PRKN: variants seen among roughly 807,000 people sequenced by gnomAD.
PRKN encodes parkin RBR E3 ubiquitin protein ligase.
A neutral mutation model predicts 59.5 loss-of-function variants in PRKN; 56 were observed. The ratio of observed to expected loss-of-function variants is 0.94; its 90% confidence interval spans 0.76 to 1.18. PRKN has a LOEUF of 1.18. PRKN is among the 50% of genes most tolerant of loss of function. The probability of loss-of-function intolerance (pLI) is 0.00; values close to 1 mark genes in which losing one functional copy is unlikely to be tolerated. For synonymous variants in PRKN, 250 were observed against 222.1 expected (o/e 1.13, Z -1.12); for missense variants, 657 against 596.4 (o/e 1.10, Z -1.06).
intron 4 of PRKN, among the ~76,000 whole-genome samples, chr6:162,113,510 A>G (rs1780531563): frequency 6.6e-6 from 1 of 152,132 alleles, no homozygotes. Flanking sequence ...ACTGTGGTCA[A>G]TGAAGGGAGA....
chr6:161,827,653 G>A (rs778524464), intron 6 of PRKN, among the ~76,000 whole-genome samples: 2 of 151,650 alleles, frequency 1.3e-5, no homozygotes, highest in Non-Finnish European at 2.9e-5. Flanking sequence ...GACTACAGGT[G>A]TGTGCCACCA....
chr6:162,576,051 G>A (rs73035006), intron 1 of PRKN, among the ~76,000 whole-genome samples: 1 of 152,082 alleles, frequency 6.6e-6, no homozygotes, highest in African/African-American at 2.4e-5. Context: ...GTAAGGTTTA[G>A]GAGACCACGC....
chr6:161,452,613 C>G (rs1357715892), intron 9 of PRKN, among the ~76,000 whole-genome samples: 1 of 152,132 alleles, frequency 6.6e-6, no homozygotes, highest in African/African-American at 2.4e-5. Context: ...AGATGATTAG[C>G]TACTAAGGAA....
chr6:161,675,518 CA>C (rs1190984849), intron 7 of PRKN, among the ~76,000 whole-genome samples: 4 of 152,192 alleles, frequency 2.6e-5, no homozygotes, highest in Non-Finnish European at 1.5e-5. Context: ...AACGCAAAGA[CA>C]ACTGTGATGC....
intron 6 of PRKN, among the ~76,000 whole-genome samples, chr6:161,914,842 C>T (rs1778495852): frequency 6.6e-6 from 1 of 151,974 alleles, no homozygotes; most frequent in South Asian, 2.1e-4. Flanking sequence ...GGATGTTTCC[C>T]TGGTCTCACC....
At chr6:162,521,040 A>G (rs1778063126) in intron 1 of PRKN, among the ~76,000 whole-genome samples, 2 of 152,152 alleles carry the variant, frequency 1.3e-5, no homozygotes, top group African/African-American at 2.4e-5. Context: ...ATTTTTTTCC[A>G]GTTTGCAATA....
chr6:161,944,147 A>G (rs1442576728), intron 6 of PRKN, among the ~76,000 whole-genome samples: 9 of 152,020 alleles, frequency 5.9e-5, no homozygotes, highest in Admixed American at 5.9e-4. Flanking sequence ...CAGCCTGAGG[A>G]ATCTGGCTGC....
At position 161,458,205 on chromosome 6, in the gene PRKN, G is replaced by A. The variant is rs1208247967; in HGVS notation, c.1084-71328C>T. On this transcript the variant is annotated intron_variant, in intron 9 of 11. Coordinates refer to ENST00000366898, the MANE Select transcript of PRKN (RefSeq NM_004562.3). This position sits in a 1 kb window ranked among gnomAD's most constrained non-coding sequence, Gnocchi z 6.1. ...ATAAATCTTAGTGCAGCTGCTTATC[G>A]AGCTAAAGAAGGCCTGGTGTCTCTG... 6.6e-6 allele frequency among the ~76,000 whole-genome samples: 1 copy of A among 152,214 alleles called. No individual in the cohort carries two copies. The highest frequency in any genetic ancestry group is 1.5e-5 in the Non-Finnish European group (1 of 68,040).
At chr6:162,683,573 T>C (rs1163674846) in intron 1 of PRKN, among the ~76,000 whole-genome samples, 7 of 152,148 alleles carry the variant, frequency 4.6e-5, no homozygotes, top group Admixed American at 4.6e-4. Context: ...CATTAGGTTT[T>C]TGGTTAGTTT....
intron 7 of PRKN, among the ~76,000 whole-genome samples, chr6:161,692,137 C>T (rs771048915): frequency 1.3e-5 from 2 of 152,140 alleles, no homozygotes; most frequent in Non-Finnish European, 2.9e-5. Flanking sequence ...GTGGGTTTTG[C>T]ATGGCAAACA....
intron 1 of PRKN, among the ~76,000 whole-genome samples, chr6:162,601,412 T>A (rs1256635546): frequency 6.6e-6 from 1 of 152,194 alleles, no homozygotes; most frequent in Non-Finnish European, 1.5e-5. Context: ...GTTTAAGGCT[T>A]CTCTTACTCC....
intron 5 of PRKN, among the ~76,000 whole-genome samples, chr6:161,974,181 G>A (rs555883852): frequency 1.1e-4 from 17 of 151,780 alleles, no homozygotes; most frequent in Non-Finnish European, 1.8e-4. Flanking sequence ...GCAGGAAATC[G>A]CTTGAGCCCG....
chr6:162,134,464 C>T (rs1433680591), intron 4 of PRKN, among the ~76,000 whole-genome samples: 1 of 152,114 alleles, frequency 6.6e-6, no homozygotes, highest in Non-Finnish European at 1.5e-5. Context: ...GATACATGTG[C>T]AGAACATTTC....
chr6:162,351,947 A>C (rs1784644329), intron 2 of PRKN, among the ~76,000 whole-genome samples: 1 of 152,122 alleles, frequency 6.6e-6, no homozygotes, highest in Non-Finnish European at 1.5e-5. Flanking sequence ...TGAGTAGATA[A>C]GTGTACTTAA....
intron 6 of PRKN, among the ~76,000 whole-genome samples, chr6:161,945,722 T>A (rs1779753330): frequency 6.6e-6 from 1 of 152,186 alleles, no homozygotes; most frequent in Admixed American, 6.5e-5. Context: ...CCCCTACCTT[T>A]CAAAATCCCA....
intron 1 of PRKN, among the ~76,000 whole-genome samples, chr6:162,474,369 A>C (rs1791900829): frequency 6.6e-6 from 1 of 152,108 alleles, no homozygotes; most frequent in African/African-American, 2.4e-5. Context: ...AAATTGTGAA[A>C]ATATATTTGA....
chr6:162,292,469 G>A (rs938638760), intron 2 of PRKN, among the ~76,000 whole-genome samples: 36 of 152,092 alleles, frequency 2.4e-4, no homozygotes, highest in African/African-American at 8.7e-4. Context: ...GAGAAGGAGA[G>A]ACTTAAAAAA....
chr6:162,175,510 C>T (rs1038408481), intron 4 of PRKN, among the ~76,000 whole-genome samples: 3 of 152,088 alleles, frequency 2.0e-5, no homozygotes, highest in Admixed American at 6.5e-5. Flanking sequence ...ACAAATCAAA[C>T]GAAAGAAACT....
chr6:162,506,996 C>A (rs1026911181), intron 1 of PRKN, among the ~76,000 whole-genome samples: 1 of 152,118 alleles, frequency 6.6e-6, no homozygotes, highest in Admixed American at 6.6e-5. Flanking sequence ...TTTCAAGTAG[C>A]CTGATGGCAG....
Sources: gnomAD v4.1 joint callset for allele counts (sites outside exome capture counted in the v4.1 genomes callset) on GRCh38, gnomAD v4.1.1 for gene constraint, Gnocchi (gnomAD v3.1) non-coding constraint, MANE v1.5 for transcripts, NCBI Gene and HGNC (gene_info 2026-07-23, HGNC 2026-07-21) for gene names.